The following APLF variants were observed in gnomAD, a reference collection of about 807,000 sequenced individuals.
The protein encoded by APLF is aprataxin and PNK-like factor.
In APLF, 61 loss-of-function variants were observed where a neutral mutation model predicts 55.6. That is an observed-to-expected ratio of 1.10 (90% CI 0.89 to 1.36). The LOEUF is 1.36. Ranked by LOEUF, APLF falls within the 40% of genes most tolerant of loss-of-function variation. The pLI, the probability that APLF is intolerant of heterozygous loss-of-function variation, is 0.00. For missense variants in APLF, 611 were observed against 602.5 expected (o/e 1.01, Z -0.15); for synonymous variants, 207 against 214.8 (o/e 0.96, Z 0.32).
chr2:68,556,289 A>G (rs1671007512), intron 8 of APLF, among the ~76,000 whole-genome samples: 1 of 152,148 alleles, frequency 6.6e-6, no homozygotes, highest in Admixed American at 6.6e-5. Context: ...AAATCTCACA[A>G]GTCACCACTA....
In APLF at chr2:68,529,570, T is replaced by C. The variant is rs1323413863; in HGVS notation, c.804+3328T>C. On this transcript the variant is annotated intron_variant, in intron 6 of 9. Transcript: ENST00000303795. This position sits in a 1 kb window ranked among gnomAD's most constrained non-coding sequence, Gnocchi z 4.4. ...GGTGCACACTGGGCATCTGGGAGTT[T>C]ATGACATCACCATGGGGCTGGTGAC... is the stretch of plus-strand genomic sequence containing the variant. The C allele has an allele frequency of 4.8e-6, 3 of 619,900 alleles. No homozygotes were observed. Among genetic ancestry groups the C allele is most frequent in the South Asian group, 6.4e-5 (1 of 15,648 alleles). The allele number at this position is 619,900 out of a possible 1,614,324, so 38.4% of individuals were successfully genotyped here. A position where few individuals can be genotyped will look rare whatever the true frequency, so the allele number is the denominator to read the frequency against.
rs112526714 is a variant in APLF, at chr2:68,477,104, C to T, written c.96+9277C>T. On this transcript the variant is annotated intron_variant, in intron 1 of 9. Transcript: ENST00000303795. ...TATAAAAAGGTAAAATTTATCAAAACATACACACACAAACACAGAGTGTAC... is the reference window on the plus strand; with the variant it reads ...TATAAAAAGGTAAAATTTATCAAAATATACACACACAAACACAGAGTGTAC... Among the ~76,000 whole-genome samples, 1,192 of 152,230 alleles carry T rather than the reference C, an allele frequency of 7.8e-3. 15 individuals carry two copies. The highest frequency in any genetic ancestry group is 0.027 in the African/African-American group (1,137 of 41,548).
chr2:68,498,881 C>A lies in APLF; in HGVS notation c.169-3850C>A, dbSNP rs184030331. Among the ~76,000 whole-genome samples the A allele has an allele frequency of 3.9e-5, 6 of 152,130 alleles. No homozygotes were observed. In the East Asian group the frequency reaches 1.2e-3, roughly 29 times the overall value. Reference sequence around the variant, plus strand: ...TATTATTGACCCTCAAAATATACGTCTTTGGGTGGTTGTGTTTTTTTATTG... The same window carrying A: ...TATTATTGACCCTCAAAATATACGTATTTGGGTGGTTGTGTTTTTTTATTG... On this transcript the variant is annotated intron_variant, in intron 2 of 9. Transcript: ENST00000303795.
chr2:68,525,997 A>G (rs766476822), intron 5 of APLF, 64 bp from the exon 6 acceptor site: 44 of 1,441,940 alleles, frequency 3.1e-5, no homozygotes, highest in Non-Finnish European at 3.9e-5. Context: ...TCTTTTTTTG[A>G]TATGGATTAT....
chr2:68,530,209 G>C (rs555772596), intron 6 of APLF, among the ~76,000 whole-genome samples: 20 of 152,380 alleles, frequency 1.3e-4, no homozygotes, highest in Admixed American at 2.0e-4. Flanking sequence ...TGGCCTGTGT[G>C]CCTCATGATC....
At chr2:68,546,896 A>G (rs771904633) in intron 8 of APLF, among the ~76,000 whole-genome samples, 2 of 151,854 alleles carry the variant, frequency 1.3e-5, no homozygotes, top group African/African-American at 2.4e-5. Flanking sequence ...GCGATTCAAG[A>G]CAGTATACTA....
chr2:68,571,813 T>C (rs576918768), intron 9 of APLF, among the ~76,000 whole-genome samples: 13 of 152,314 alleles, frequency 8.5e-5, no homozygotes, highest in African/African-American at 3.1e-4. Flanking sequence ...AAGTAGTTTT[T>C]CCCAATTCTG....
chr2:68,515,155 G>A (rs1352788535), intron 5 of APLF, among the ~76,000 whole-genome samples: 5 of 151,700 alleles, frequency 3.3e-5, no homozygotes, highest in African/African-American at 9.7e-5. Flanking sequence ...CATGGGAAAA[G>A]TGCACTATAC....
chr2:68,523,687 T>C (rs1450391591), intron 5 of APLF, among the ~76,000 whole-genome samples: 2 of 151,872 alleles, frequency 1.3e-5, no homozygotes, highest in Non-Finnish European at 2.9e-5. Flanking sequence ...ATAAGTGCCA[T>C]TGGTAATAGT....
At chr2:68,535,253 A>G (rs1226178195) in intron 6 of APLF, 1 of 405,598 alleles carries the variant, frequency 2.5e-6, no homozygotes, top group Non-Finnish European at 5.0e-6. Context: ...TCATTGGCTT[A>G]TTTTTTATTT....
intron 8 of APLF, among the ~76,000 whole-genome samples, chr2:68,546,012 A>G (rs777826050): frequency 6.6e-6 from 1 of 152,146 alleles, no homozygotes; most frequent in African/African-American, 2.4e-5. Context: ...ATAATTTTAA[A>G]TACAGATTGC....
At chr2:68,516,883 TATATA>T (rs910785993) in intron 5 of APLF, among the ~76,000 whole-genome samples, 10 of 133,232 alleles carry the variant, frequency 7.5e-5, no homozygotes, top group South Asian at 2.1e-4. Context: ...TATAATGTTA[TATATA>T]ATATAATAAT....
chr2:68,533,268 A>T (rs1380925784), intron 6 of APLF, among the ~76,000 whole-genome samples: 1 of 152,214 alleles, frequency 6.6e-6, no homozygotes, highest in East Asian at 1.9e-4. Context: ...TGTTCTTTAT[A>T]AATTTTCAAG....
In APLF at chr2:68,578,690, A is replaced by G. The variant is rs1436728147; in HGVS notation, c.*668A>G. ...ACTGTATGTTTGAATTTAAAAGTAA[A>G]AAAACTCAAAAAACTTGACCTTTTT... On this transcript the variant is annotated 3_prime_UTR_variant, in exon 10 of 10. Transcript: ENST00000303795. 4 of 985,252 alleles carry G rather than the reference A, an allele frequency of 4.1e-6. No individual in the cohort carries two copies. Among genetic ancestry groups the G allele is most frequent in the African/African-American group, 1.7e-5 (1 of 57,228 alleles). The allele number at this position is 985,252 out of a possible 1,614,324, so 61.0% of individuals were successfully genotyped here. A position where few individuals can be genotyped will look rare whatever the true frequency, so the allele number is the denominator to read the frequency against.
intron 6 of APLF, chr2:68,528,277 T>C: frequency 7.4e-7 from 1 of 1,357,206 alleles, no homozygotes; most frequent in Non-Finnish European, 1.0e-6. Context: ...GCAGCTGTCT[T>C]AGTCTCCTGA....
At chr2:68,473,287 T>C (rs768299833) in intron 1 of APLF, among the ~76,000 whole-genome samples, 1 of 152,202 alleles carries the variant, frequency 6.6e-6, no homozygotes, top group Non-Finnish European at 1.5e-5. Context: ...ACATAACCTT[T>C]TCAGGTTTCA....
At chr2:68,489,467 G>C (rs1444072732) in intron 1 of APLF, among the ~76,000 whole-genome samples, 1 of 152,186 alleles carries the variant, frequency 6.6e-6, no homozygotes, top group Non-Finnish European at 1.5e-5. Flanking sequence ...AAAAGGGAAA[G>C]CTTTGATTGG....
At chr2:68,547,175 C>T (rs1378160590) in intron 8 of APLF, among the ~76,000 whole-genome samples, 3 of 151,302 alleles carry the variant, frequency 2.0e-5, no homozygotes, top group Admixed American at 1.3e-4. Flanking sequence ...ATATAAAAGG[C>T]GTAGAAACCT....
intron 6 of APLF, among the ~76,000 whole-genome samples, chr2:68,526,849 G>A (rs973893112): frequency 2.0e-5 from 3 of 152,120 alleles, no homozygotes; most frequent in Admixed American, 6.5e-5. Flanking sequence ...TACCATGCCC[G>A]CCTAATTTTT....
Sources: allele counts gnomAD v4.1 joint callset (sites outside exome capture counted in the v4.1 genomes callset), GRCh38; gene constraint gnomAD v4.1.1; non-coding constraint Gnocchi (gnomAD v3.1); transcripts MANE v1.5; gene names NCBI Gene and HGNC (gene_info 2026-07-23, HGNC 2026-07-21).